Variants in UGT1A10 observed in about 807,000 individuals in gnomAD.
The protein encoded by UGT1A10 is UDP glucuronosyltransferase family 1 member A10, also known as UDP-glucuronosyltransferase 1A10.
UGT1A10 carries 49 observed loss-of-function variants against 45.8 expected under a neutral mutation model. The ratio of observed to expected loss-of-function variants is 1.07; its 90% confidence interval spans 0.85 to 1.36. The LOEUF (loss-of-function observed/expected upper bound fraction) is 1.36. Ranked by LOEUF, UGT1A10 falls within the 40% of genes most tolerant of loss-of-function variation. The pLI, the probability that UGT1A10 is intolerant of heterozygous loss-of-function variation, is 0.00. For synonymous variants in UGT1A10, 284 were observed against 249.7 expected (o/e 1.14, Z -1.29); for missense variants, 745 against 668.6 (o/e 1.11, Z -1.26).
chr2:233,645,041 C>T (rs2073562907), intron 1 of UGT1A10, among the ~76,000 whole-genome samples: 1 of 152,130 alleles, frequency 6.6e-6, no homozygotes, highest in Non-Finnish European at 1.5e-5. Context: ...ACCACTTTGA[C>T]ACCTTTAGGG....
At chr2:233,669,636 C>A (rs2074141612) in intron 1 of UGT1A10, among the ~76,000 whole-genome samples, 1 of 152,004 alleles carries the variant, frequency 6.6e-6, no homozygotes, top group South Asian at 2.1e-4. Flanking sequence ...ATTGAGGTAC[C>A]AACCCCCGAG....
intron 1 of UGT1A10, among the ~76,000 whole-genome samples, chr2:233,708,247 A>G (rs2076009794): frequency 6.6e-6 from 1 of 152,202 alleles, no homozygotes; most frequent in South Asian, 2.1e-4. Flanking sequence ...ATAAGTGTAC[A>G]CTTTCCTTCA....
intron 1 of UGT1A10, chr2:233,718,949 C>T: frequency 1.9e-6 from 3 of 1,614,166 alleles, no homozygotes; most frequent in Non-Finnish European, 2.5e-6. Context: ...CCTGGCTCAG[C>T]ATGCGGGAGG....
chr2:233,672,507 C>A, intron 1 of UGT1A10: 2 of 1,613,930 alleles, frequency 1.2e-6, no homozygotes, highest in Non-Finnish European at 1.7e-6. Flanking sequence ...CCTATGTCCC[C>A]AGAATTCTCT....
At chr2:233,738,545 C>T (rs1690821888) in intron 1 of UGT1A10, among the ~76,000 whole-genome samples, 1 of 152,164 alleles carries the variant, frequency 6.6e-6, no homozygotes, top group South Asian at 2.1e-4. Flanking sequence ...GGCTGAGTCT[C>T]AGATAGAGAT....
chr2:233,642,672 T>C (rs2073481265), intron 1 of UGT1A10, among the ~76,000 whole-genome samples: 1 of 152,224 alleles, frequency 6.6e-6, no homozygotes, highest in African/African-American at 2.4e-5. Flanking sequence ...GGAAAGGCTT[T>C]CCAGATATTT....
At chr2:233,718,875 C>T in intron 1 of UGT1A10, 1 of 1,613,984 alleles carries the variant, frequency 6.2e-7, no homozygotes, top group Middle Eastern at 1.7e-4. Context: ...ACTGCTGCTC[C>T]TCCTCAGTGT....
chr2:233,760,472 C>G lies in UGT1A10; in HGVS notation c.856-6562C>G, dbSNP rs1344623676. 2 of 1,614,230 alleles carry G rather than the reference C, an allele frequency of 1.2e-6. No individual in the cohort carries two copies. The highest frequency in any genetic ancestry group is 1.7e-6 in the Non-Finnish European group (2 of 1,180,034). ...GGACATGAAATAGTTGTCCTAGCACCTGACGCCTCGTTGTACATCAGAGAC... is the reference window on the plus strand; with the variant it reads ...GGACATGAAATAGTTGTCCTAGCACGTGACGCCTCGTTGTACATCAGAGAC... On this transcript the variant is annotated intron_variant, in intron 1 of 4. Coordinates refer to ENST00000344644, the MANE Select transcript of UGT1A10 (RefSeq NM_019075.4).
rs188974985 is a variant in UGT1A10 at position 233,689,973 on chromosome 2, C to T, written c.855+52596C>T. 1.3e-5 allele frequency: 6 copies of T among 455,414 alleles called. No individual in the cohort carries two copies. In the East Asian group the frequency reaches 3.5e-4, roughly 26 times the overall value. 28.2% of individuals were successfully genotyped at this position (455,414 alleles called of 1,614,324 possible). A position where few individuals can be genotyped will look rare whatever the true frequency, so the allele number is the denominator to read the frequency against. Reference sequence around the variant, plus strand: ...TTATTTCCATGCTTGGAGGAACCCACAGGCCCCTAAAAGGGATTCTCACTT... The same window carrying T: ...TTATTTCCATGCTTGGAGGAACCCATAGGCCCCTAAAAGGGATTCTCACTT... On this transcript the variant is annotated intron_variant, in intron 1 of 4. Coordinates refer to ENST00000344644, the MANE Select transcript of UGT1A10 (RefSeq NM_019075.4).
chr2:233,728,977 G>T, intron 1 of UGT1A10: 2 of 1,494,572 alleles, frequency 1.3e-6, no homozygotes, highest in African/African-American at 2.8e-5. Context: ...ATAGATTAAT[G>T]GTTAATAATT....
chr2:233,769,840 A>G lies in UGT1A10; in HGVS notation c.1295+1401A>G, dbSNP rs1259397954. 2 of 589,486 alleles carry G rather than the reference A, an allele frequency of 3.4e-6. No homozygotes were observed. The highest frequency in any genetic ancestry group is 5.2e-6 in the Non-Finnish European group (2 of 381,342). The allele number at this position is 589,486 out of a possible 1,614,324, so 36.5% of individuals were successfully genotyped here. On this transcript the variant is annotated intron_variant, in intron 4 of 4. Transcript: ENST00000344644. This position sits in a 1 kb window ranked among gnomAD's most constrained non-coding sequence, Gnocchi z 4.4. ...ACTGCACTCCAGCAACCTGGGCAAC[A>G]GAGTGAGACCCTGTCTCAAAAAAAA...
chr2:233,755,487 G>GT (rs1198715478), intron 1 of UGT1A10: 2 of 206,234 alleles, frequency 9.7e-6, no homozygotes. Flanking sequence ...GTGAGGCCCT[G>GT]TGATGCTCCA....
intron 1 of UGT1A10, among the ~76,000 whole-genome samples, chr2:233,669,577 A>G (rs1490153859): frequency 1.3e-5 from 2 of 152,018 alleles, no homozygotes; most frequent in East Asian, 3.8e-4. Flanking sequence ...TTTCATTCCA[A>G]TTTTCAATTG....
At chr2:233,733,599 G>A (rs2078419468) in intron 1 of UGT1A10, among the ~76,000 whole-genome samples, 1 of 152,146 alleles carries the variant, frequency 6.6e-6, no homozygotes, top group Non-Finnish European at 1.5e-5. Context: ...TTTATGTGAT[G>A]GATTACATTT....
intron 1 of UGT1A10, chr2:233,681,919 T>C (rs1198812401): frequency 1.2e-6 from 2 of 1,605,714 alleles, no homozygotes; most frequent in South Asian, 2.2e-5. Context: ...AGCTGCTGGC[T>C]CTGGGCTGAA....
At chr2:233,638,998 C>G (rs1451606260) in intron 1 of UGT1A10, among the ~76,000 whole-genome samples, 2 of 152,176 alleles carry the variant, frequency 1.3e-5, no homozygotes, top group Non-Finnish European at 2.9e-5. Flanking sequence ...CATGTGTTGC[C>G]TACACCCCAC....
intron 1 of UGT1A10, among the ~76,000 whole-genome samples, chr2:233,670,717 G>T (rs17864684): frequency 6.6e-6 from 1 of 152,020 alleles, no homozygotes. Context: ...TGCTGAATTA[G>T]AGATGTTGGG....
intron 1 of UGT1A10, chr2:233,743,869 G>A (rs763783144): frequency 1.5e-5 from 21 of 1,367,022 alleles, no homozygotes; most frequent in Admixed American, 1.9e-5. Flanking sequence ...TGATGGCCTC[G>A]GATGAGGCCT....
chr2:233,691,378 G>C (rs1273404104), intron 1 of UGT1A10: 37 of 985,462 alleles, frequency 3.8e-5, no homozygotes, highest in Non-Finnish European at 4.3e-5. Flanking sequence ...TCCTGGTTAT[G>C]TTCCCCATGG....
Sources: allele counts gnomAD v4.1 joint callset (sites outside exome capture counted in the v4.1 genomes callset), GRCh38; gene constraint gnomAD v4.1.1; non-coding constraint Gnocchi (gnomAD v3.1); transcripts MANE v1.5; gene names NCBI Gene and HGNC (gene_info 2026-07-23, HGNC 2026-07-21).